Variants in GRIN2A observed in about 807,000 individuals in gnomAD.
GRIN2A encodes glutamate ionotropic receptor NMDA type subunit 2A, also known as glutamate receptor ionotropic, NMDA 2A.
Under a neutral mutation model 113.4 loss-of-function variants are expected in GRIN2A, and 22 were observed. That is an observed-to-expected ratio of 0.19 (90% CI 0.14 to 0.28). The LOEUF is 0.28. Among genes scored for constraint, GRIN2A ranks in the 10% least tolerant of loss-of-function variants. The pLI is 1.00. For missense variants in GRIN2A, 1,502 were observed against 1,887.0 expected (o/e 0.80, Z 3.78); for synonymous variants, 827 against 738.4 (o/e 1.12, Z -1.94).
At chr16:9,889,527 A>G (rs1248477581) in intron 4 of GRIN2A, among the ~76,000 whole-genome samples, 1 of 152,004 alleles carries the variant, frequency 6.6e-6, no homozygotes, top group African/African-American at 2.4e-5. Flanking sequence ...CTCTTTTCTA[A>G]CTTCTAAATT....
intron 10 of GRIN2A, among the ~76,000 whole-genome samples, chr16:9,810,608 G>A (rs1374557750): frequency 1.3e-5 from 2 of 152,160 alleles, no homozygotes; most frequent in African/African-American, 4.8e-5. Flanking sequence ...TTGGAGAGAT[G>A]CAGCCACAAG....
In GRIN2A at chr16:9,791,417, G is replaced by T. The variant is rs1902598226; in HGVS notation, c.2356+6860C>A. On this transcript the variant is annotated intron_variant, in intron 11 of 12. Transcript: ENST00000330684. ...AAAGTTGAAAGGGAAAAATATTCAG[G>T]GGTAAGGGGCATTCAAGGATTTCCC... Among the ~76,000 whole-genome samples the T allele has an allele frequency of 3.9e-5, 6 of 152,252 alleles. No individual in the cohort carries two copies. The Middle Eastern group carries it at 0.017, about 432-fold the overall frequency.
At chr16:9,841,884 A>G (rs1338332219) in intron 5 of GRIN2A, among the ~76,000 whole-genome samples, 2 of 152,234 alleles carry the variant, frequency 1.3e-5, no homozygotes, top group African/African-American at 4.8e-5. Flanking sequence ...ACTGTTTTGT[A>G]CCAGCCACCT....
rs886052545 is a variant in GRIN2A at position 9,761,614 on chromosome 16, G to A, written c.*1535C>T. On this transcript the variant is annotated 3_prime_UTR_variant, in exon 13 of 13. Coordinates refer to ENST00000330684, the MANE Select transcript of GRIN2A (RefSeq NM_001134407.3). Reference sequence around the variant, plus strand: ...CTAGAAAATCCTGATCTGAGAAAGTGTCATAACATAGCAACTATCTTGTCG... The same window carrying A: ...CTAGAAAATCCTGATCTGAGAAAGTATCATAACATAGCAACTATCTTGTCG... 8.7e-6 allele frequency: 2 copies of A among 229,650 alleles called. No individual in the cohort carries two copies. Among genetic ancestry groups the A allele is most frequent in the Non-Finnish European group, 8.6e-6 (1 of 115,918 alleles). The allele number at this position is 229,650 out of a possible 1,614,324, so 14.2% of individuals were successfully genotyped here. A position where few individuals can be genotyped will look rare whatever the true frequency, so the allele number is the denominator to read the frequency against.
chr16:10,114,667 C>A (rs1486859313), intron 2 of GRIN2A, among the ~76,000 whole-genome samples: 1 of 152,202 alleles, frequency 6.6e-6, no homozygotes, highest in Non-Finnish European at 1.5e-5. Flanking sequence ...TATGAACCCA[C>A]TGATTTCTGA....
chr16:9,998,677 G>A (rs1476785248), intron 2 of GRIN2A, among the ~76,000 whole-genome samples: 1 of 151,966 alleles, frequency 6.6e-6, no homozygotes, highest in African/African-American at 2.4e-5. Flanking sequence ...TTGTATTACT[G>A]TATATATCTC....
intron 4 of GRIN2A, among the ~76,000 whole-genome samples, chr16:9,877,811 C>T (rs922786757): frequency 1.9e-5 from 2 of 106,188 alleles, no homozygotes; most frequent in Non-Finnish European, 3.8e-5. Flanking sequence ...CTCTTTCCCT[C>T]TCCCCCCATC....
chr16:9,835,528 T>C (rs898177509), intron 7 of GRIN2A, among the ~76,000 whole-genome samples: 1 of 152,202 alleles, frequency 6.6e-6, no homozygotes, highest in African/African-American at 2.4e-5. Flanking sequence ...AAAATAAATT[T>C]TAAAAATGAA....
chr16:9,880,742 T>C (rs979759323), intron 4 of GRIN2A, among the ~76,000 whole-genome samples: 1 of 152,232 alleles, frequency 6.6e-6, no homozygotes, highest in Non-Finnish European at 1.5e-5. Flanking sequence ...CTGCATGGAA[T>C]GGCCTCCTCA....
intron 2 of GRIN2A, among the ~76,000 whole-genome samples, chr16:10,049,843 C>G (rs951868037): frequency 6.6e-6 from 1 of 152,078 alleles, no homozygotes; most frequent in Admixed American, 6.5e-5. Context: ...GTGAGCAGTG[C>G]CCAGCTCATA....
chr16:10,089,701 A>G (rs2048149765), intron 2 of GRIN2A, among the ~76,000 whole-genome samples: 1 of 152,206 alleles, frequency 6.6e-6, no homozygotes, highest in South Asian at 2.1e-4. Flanking sequence ...CTTGATAATA[A>G]TAATCAAATA....
intron 2 of GRIN2A, among the ~76,000 whole-genome samples, chr16:10,143,985 A>G (rs940934603): frequency 2.0e-5 from 3 of 151,988 alleles, no homozygotes; most frequent in African/African-American, 4.8e-5. Flanking sequence ...TTTTTTTTTT[A>G]AATAAGATTG....
At chr16:10,116,773 C>A (rs2048735861) in intron 2 of GRIN2A, among the ~76,000 whole-genome samples, 2 of 152,176 alleles carry the variant, frequency 1.3e-5, no homozygotes, top group Non-Finnish European at 2.9e-5. Flanking sequence ...TCTCCCTGAG[C>A]AGCAAAGAAG....
At chr16:10,150,259 C>G (rs767312985) in intron 2 of GRIN2A, among the ~76,000 whole-genome samples, 56 of 152,174 alleles carry the variant, frequency 3.7e-4, no homozygotes, top group Non-Finnish European at 6.8e-4. Context: ...TTTGATCAAC[C>G]TCTCAGTTGA....
At chr16:10,151,968 C>A (rs2049587672) in intron 2 of GRIN2A, among the ~76,000 whole-genome samples, 2 of 152,228 alleles carry the variant, frequency 1.3e-5, no homozygotes, top group Non-Finnish European at 2.9e-5. Flanking sequence ...TCTGCACAAT[C>A]AGAACCTTCT....
chr16:10,180,085 T>A lies in GRIN2A; in HGVS notation c.327A>T (p.Val109=). The change falls in exon 2 of 13, where the codon GTA becomes GTT. Residue 109 remains valine, a synonymous_variant. Coordinates refer to ENST00000330684, the MANE Select transcript of GRIN2A (RefSeq NM_001134407.3). This position sits in a 1 kb window ranked among gnomAD's most constrained non-coding sequence, Gnocchi z 7.0. The part of the protein sequence containing the change: ...VFGDDTDQEA[V]AQMLDFISSH... The stretch of plus-strand genomic sequence containing the variant: ...AGGAGATAAAATCCAGCATCTGGGC[T>A]ACGGCCTCCTGGTCCGTGTCGTCCC... 2.5e-6 allele frequency: 4 copies of A among 1,614,180 alleles called. No homozygotes were observed. The highest frequency in any genetic ancestry group is 3.4e-6 in the Non-Finnish European group (4 of 1,180,020).
rs778080276 is a variant in GRIN2A at position 10,127,019 on chromosome 16, C to G, written c.414+52979G>C. Among the ~76,000 whole-genome samples, 66 of 152,174 alleles carry G rather than the reference C, an allele frequency of 4.3e-4. 1 individual carries two copies. The highest frequency in any genetic ancestry group is 8.7e-4 in the Non-Finnish European group (59 of 68,038). ...GAAAGCCAATGCTCACACGCTTGCC[C>G]TATCCAACTGCTTTCATTAGCTCCA... On this transcript the variant is annotated intron_variant, in intron 2 of 12. Coordinates refer to ENST00000330684, the MANE Select transcript of GRIN2A (RefSeq NM_001134407.3).
At chr16:9,867,435 A>G (rs2141415692) in intron 4 of GRIN2A, among the ~76,000 whole-genome samples, 1 of 152,196 alleles carries the variant, frequency 6.6e-6, no homozygotes, top group Non-Finnish European at 1.5e-5. Flanking sequence ...CATCACCCAC[A>G]AACTCACCTG....
At chr16:10,100,148 G>A (rs1455071712) in intron 2 of GRIN2A, among the ~76,000 whole-genome samples, 1 of 152,170 alleles carries the variant, frequency 6.6e-6, no homozygotes, top group Non-Finnish European at 1.5e-5. Context: ...CAGGTGAGAC[G>A]TGGGGCTCCA....
Sources: allele counts gnomAD v4.1 joint callset (sites outside exome capture counted in the v4.1 genomes callset), GRCh38; gene constraint gnomAD v4.1.1; non-coding constraint Gnocchi (gnomAD v3.1); transcripts MANE v1.5; gene names NCBI Gene and HGNC (gene_info 2026-07-23, HGNC 2026-07-21).